Variants in CRADD observed in about 807,000 individuals in gnomAD.
CRADD encodes death domain-containing protein CRADD.
A neutral mutation model predicts 15.5 loss-of-function variants in CRADD; 9 were observed. The observed-to-expected ratio is 0.58, with a 90% CI of 0.35 to 1.01. CRADD has a LOEUF of 1.01. Among genes scored for constraint, CRADD ranks in the 50% least tolerant of loss-of-function variants. The probability of loss-of-function intolerance (pLI) is 0.02; values close to 1 mark genes in which losing one functional copy is unlikely to be tolerated. For missense variants in CRADD, 227 were observed against 250.3 expected (o/e 0.91, Z 0.63); for synonymous variants, 118 against 107.6 (o/e 1.10, Z -0.60).
rs149733634 is a variant in CRADD, at chr12:93,796,027, G to A, written c.299-53943G>A. Among the ~76,000 whole-genome samples the A allele has an allele frequency of 1.2e-4, 18 of 152,204 alleles. No individual in the cohort carries two copies. The East Asian group carries it at 3.3e-3, about 28-fold the overall frequency. ...GTACTTCAAGAATCTTCTAGACTGG[G>A]GATAAGTTGGAACTGCTAAATATTA... On this transcript the variant is annotated intron_variant, in intron 2 of 2. Coordinates refer to ENST00000332896, the MANE Select transcript of CRADD (RefSeq NM_003805.5).
At chr12:93,754,201 T>C (rs1216769387) in intron 2 of CRADD, among the ~76,000 whole-genome samples, 1 of 152,190 alleles carries the variant, frequency 6.6e-6, no homozygotes, top group Non-Finnish European at 1.5e-5. Flanking sequence ...TTTTTAGCCA[T>C]GGCTGGGACA....
At chr12:93,880,220 C>T (rs1386255472) in intron 2 of CRADD, among the ~76,000 whole-genome samples, 2 of 152,160 alleles carry the variant, frequency 1.3e-5, no homozygotes, top group Non-Finnish European at 1.5e-5. Flanking sequence ...TCACATTTCA[C>T]TGGGATCTGG....
At chr12:93,797,001 C>G (rs527381578) in intron 2 of CRADD, among the ~76,000 whole-genome samples, 1 of 152,170 alleles carries the variant, frequency 6.6e-6, no homozygotes, top group African/African-American at 2.4e-5. Context: ...TGGGACCAAC[C>G]CCTCCTCTTC....
intron 2 of CRADD, chr12:93,837,614 C>T (rs1788198036): frequency 6.6e-6 from 1 of 152,072 alleles, no homozygotes; most frequent in Non-Finnish European, 1.5e-5. Flanking sequence ...AAAATCATTA[C>T]TAAAGGCCCA....
chr12:93,734,279 C>T (rs992905159), intron 2 of CRADD, among the ~76,000 whole-genome samples: 10 of 152,148 alleles, frequency 6.6e-5, no homozygotes, highest in African/African-American at 2.2e-4. Flanking sequence ...AGATTCAAAG[C>T]ATTTTCAAAT....
At chr12:93,835,188 T>A (rs1957960396) in intron 2 of CRADD, among the ~76,000 whole-genome samples, 1 of 152,226 alleles carries the variant, frequency 6.6e-6, no homozygotes, top group African/African-American at 2.4e-5. Flanking sequence ...CAAGAATATC[T>A]GATGATTACC....
intron 2 of CRADD, among the ~76,000 whole-genome samples, chr12:93,830,451 TCACA>T (rs1354487346): frequency 6.6e-6 from 1 of 152,126 alleles, no homozygotes; most frequent in Non-Finnish European, 1.5e-5. Flanking sequence ...TCAGTCTCTC[TCACA>T]CACACATGCA....
chr12:93,856,032 T>A (rs1360403661), intron 2 of CRADD, among the ~76,000 whole-genome samples: 1 of 152,156 alleles, frequency 6.6e-6, no homozygotes, highest in Non-Finnish European at 1.5e-5. Context: ...GGTCTCAATC[T>A]CTTGACCTCG....
rs149508192 is a variant in CRADD, at chr12:93,734,005, C to T, written c.298+54933C>T. On this transcript the variant is annotated intron_variant, in intron 2 of 2. Transcript: ENST00000332896. Reference sequence around the variant, plus strand: ...GTCTACCTCAGCCTCCCAAGGTGCTCGGATTACAGGCGTGAGCCACCTGCC... The same window carrying T: ...GTCTACCTCAGCCTCCCAAGGTGCTTGGATTACAGGCGTGAGCCACCTGCC... 8.8e-3 allele frequency among the ~76,000 whole-genome samples: 1,344 copies of T among 152,174 alleles called. 21 individuals are homozygous for T. Among genetic ancestry groups the T allele is most frequent in the African/African-American group, 0.029 (1,222 of 41,526 alleles).
chr12:93,782,192 G>C (rs1276948940), intron 2 of CRADD, among the ~76,000 whole-genome samples: 1 of 152,090 alleles, frequency 6.6e-6, no homozygotes, highest in East Asian at 1.9e-4. Context: ...GTCCTTTGTA[G>C]GGACATGGAT....
chr12:93,771,101 C>G (rs1358752089), intron 2 of CRADD, among the ~76,000 whole-genome samples: 1 of 152,026 alleles, frequency 6.6e-6, no homozygotes, highest in Admixed American at 6.5e-5. Flanking sequence ...TAATTAATCT[C>G]CTTGTGTTGT....
chr12:93,770,168 T>C (rs1004512355), intron 2 of CRADD, among the ~76,000 whole-genome samples: 2 of 143,596 alleles, frequency 1.4e-5, no homozygotes, highest in Non-Finnish European at 3.0e-5. Flanking sequence ...CAATCTCGGC[T>C]CACTGCAAGC....
chr12:93,888,529 T>C (rs1229623963), intron 2 of CRADD, among the ~76,000 whole-genome samples: 1 of 151,796 alleles, frequency 6.6e-6, no homozygotes, highest in African/African-American at 2.4e-5. Flanking sequence ...GTTGCAAGGG[T>C]TTAAGCATGA....
At chr12:93,769,043 A>G (rs1957055627) in intron 2 of CRADD, among the ~76,000 whole-genome samples, 1 of 152,064 alleles carries the variant, frequency 6.6e-6, no homozygotes, top group Admixed American at 6.6e-5. Flanking sequence ...AGAAGATACC[A>G]TAATATTTAC....
At chr12:93,700,812 A>T (rs570633812) in intron 2 of CRADD, among the ~76,000 whole-genome samples, 39 of 152,008 alleles carry the variant, frequency 2.6e-4, no homozygotes, top group African/African-American at 9.2e-4. Context: ...CTATAGTGTG[A>T]ATGTTTTTAC....
chr12:93,714,359 T>C, intron 2 of CRADD, among the ~76,000 whole-genome samples: 1 of 152,220 alleles, frequency 6.6e-6, no homozygotes, highest in East Asian at 1.9e-4. Context: ...AGAAAGCATT[T>C]TATTTCACTC....
At chr12:93,703,728 G>T (rs1955885237) in intron 2 of CRADD, among the ~76,000 whole-genome samples, 1 of 152,000 alleles carries the variant, frequency 6.6e-6, no homozygotes. Context: ...AAATAGTACT[G>T]AGAGATCCCA....
At chr12:93,831,667 C>T (rs992800590) in intron 2 of CRADD, among the ~76,000 whole-genome samples, 1 of 152,248 alleles carries the variant, frequency 6.6e-6, no homozygotes, top group Admixed American at 6.5e-5. Context: ...TAGCTGTGAA[C>T]AAGAAAGATA....
chr12:93,755,615 G>A (rs4761526), intron 2 of CRADD, among the ~76,000 whole-genome samples: 85,836 of 151,950 alleles, frequency 0.56, 25,292 homozygotes, highest in East Asian at 0.89. Context: ...CCCCACAGGC[G>A]TACCTCCTTT....
Sources: allele counts gnomAD v4.1 joint callset (sites outside exome capture counted in the v4.1 genomes callset), GRCh38; gene constraint gnomAD v4.1.1; transcripts MANE v1.5; gene names NCBI Gene and HGNC (gene_info 2026-07-23, HGNC 2026-07-21).